ZPLD1: variants seen among roughly 807,000 people sequenced by gnomAD.
The protein encoded by ZPLD1 is zona pellucida like domain containing 1, also known as zona pellucida-like domain-containing protein 1.
In ZPLD1, 34 loss-of-function variants were observed where a neutral mutation model predicts 47.2. That is an observed-to-expected ratio of 0.72 (90% confidence interval 0.55 to 0.96). The LOEUF (loss-of-function observed/expected upper bound fraction) is 0.96, where lower values mean the gene tolerates loss of function less well. Among genes scored for constraint, ZPLD1 ranks in the 40% least tolerant of loss-of-function variants. The probability of loss-of-function intolerance (pLI) is 0.00; values close to 1 mark genes in which losing one functional copy is unlikely to be tolerated. For missense variants in ZPLD1, 512 were observed against 505.8 expected (o/e 1.01, Z -0.12); for synonymous variants, 176 against 186.2 (o/e 0.95, Z 0.45).
rs1319642755 is a variant in ZPLD1 at position 102,436,891 on chromosome 3, G to C, written c.-91G>C. The C allele has an allele frequency of 3.0e-6, 3 of 985,242 alleles. No individual in the cohort carries two copies. The African/African-American group carries it at 5.2e-5, about 17-fold the overall frequency. 61.0% of individuals were successfully genotyped at this position (985,242 alleles called of 1,614,324 possible). On this transcript the variant is annotated 5_prime_UTR_variant, in exon 2 of 12. Transcript: ENST00000466937. Reference sequence around the variant, plus strand: ...CCTCTGTGTTGGGGACAACAGTGTGGGTCTAGAGTTTCCAATGTCTTCCAG... The same window carrying C: ...CCTCTGTGTTGGGGACAACAGTGTGCGTCTAGAGTTTCCAATGTCTTCCAG...
intron 10 of ZPLD1, among the ~76,000 whole-genome samples, chr3:102,472,270 G>A (rs375707699): frequency 1.2e-4 from 19 of 152,254 alleles, no homozygotes; most frequent in African/African-American, 3.8e-4. Context: ...GGTGGCTCAC[G>A]CCTGTAATCC....
chr3:102,397,814 T>C (rs538031018), intron 7 of ZPLD1, among the ~76,000 whole-genome samples: 1 of 152,310 alleles, frequency 6.6e-6, no homozygotes, highest in South Asian at 2.1e-4. Flanking sequence ...TACGTGACTT[T>C]GTGCTTTGTT....
chr3:102,442,552 T>C (rs1707197025), intron 3 of ZPLD1, among the ~76,000 whole-genome samples: 1 of 152,108 alleles, frequency 6.6e-6, no homozygotes, highest in African/African-American at 2.4e-5. Context: ...GCCTAAAGAT[T>C]AATTGCTTAC....
At chr3:102,421,424 T>C (rs1031909123) in intron 8 of ZPLD1, among the ~76,000 whole-genome samples, 72 of 151,882 alleles carry the variant, frequency 4.7e-4, no homozygotes, top group African/African-American at 1.7e-3. Context: ...TTTTAAAAAC[T>C]ACTCATCTTT....
intron 3 of ZPLD1, among the ~76,000 whole-genome samples, chr3:102,444,312 G>C (rs963654257): frequency 6.6e-6 from 1 of 152,162 alleles, no homozygotes; most frequent in Non-Finnish European, 1.5e-5. Flanking sequence ...TTGCTAACGA[G>C]AAACAGATGT....
chr3:102,398,678 C>T (rs1391394971), intron 7 of ZPLD1, among the ~76,000 whole-genome samples: 1 of 152,094 alleles, frequency 6.6e-6, no homozygotes, highest in East Asian at 1.9e-4. Context: ...GTGGCCTGTG[C>T]TGTGCATTTT....
rs757646303 is a variant in ZPLD1 at position 102,479,295 on chromosome 3, A to G, written c.*1677A>G. On this transcript the variant is annotated 3_prime_UTR_variant, in exon 12 of 12. Transcript: ENST00000466937. The stretch of plus-strand genomic sequence containing the variant: ...AGCTTTATCTGTGTTAACATGATTA[A>G]CTGACCATACTACTAATGTGACCCT... 2 of 152,184 alleles carry G rather than the reference A, an allele frequency of 1.3e-5. No individual in the cohort carries two copies. The highest frequency in any genetic ancestry group is 2.9e-5 in the Non-Finnish European group (2 of 68,006). 9.4% of individuals were successfully genotyped at this position (152,184 alleles called of 1,614,324 possible).
intron 10 of ZPLD1, among the ~76,000 whole-genome samples, chr3:102,471,325 C>G (rs1022899850): frequency 1.3e-5 from 2 of 152,154 alleles, no homozygotes; most frequent in African/African-American, 4.8e-5. Flanking sequence ...TCCCTTAACT[C>G]TACTCTCTCT....
At chr3:102,439,470 GT>G (rs1414596611) in intron 3 of ZPLD1, among the ~76,000 whole-genome samples, 4 of 152,126 alleles carry the variant, frequency 2.6e-5, no homozygotes, top group Non-Finnish European at 4.4e-5. Flanking sequence ...TGCTTGGTTT[GT>G]TAGTAAAATA....
chr3:102,451,582 C>T (rs889342569), intron 3 of ZPLD1, among the ~76,000 whole-genome samples: 1 of 152,144 alleles, frequency 6.6e-6, no homozygotes, highest in Non-Finnish European at 1.5e-5. Context: ...AAACTTGTGT[C>T]CTGGGGTGAT....
intron 8 of ZPLD1, among the ~76,000 whole-genome samples, chr3:102,465,623 T>C (rs565283287): frequency 1.1e-4 from 16 of 152,180 alleles, no homozygotes; most frequent in Non-Finnish European, 2.2e-4. Context: ...TCCTCATATA[T>C]TGATAATCTG....
At position 102,397,807 on chromosome 3, in the gene ZPLD1, G is replaced by T. The variant is rs537989754; in HGVS notation, c.-157+5582G>T. Among the ~76,000 whole-genome samples the T allele has an allele frequency of 4.6e-5, 7 of 152,148 alleles. 1 individual carries two copies. The Middle Eastern group carries it at 0.017, about 370-fold the overall frequency. Reference sequence around the variant, plus strand: ...GTTTATTACTAATGAAGGATCTTACGTGACTTTGTGCTTTGTTCTCATAGT... The same window carrying T: ...GTTTATTACTAATGAAGGATCTTACTTGACTTTGTGCTTTGTTCTCATAGT... On this transcript the variant is annotated intron_variant, in intron 7 of 17. Coordinates refer to the ZPLD1 transcript ENST00000491959.
intron 6 of ZPLD1, among the ~76,000 whole-genome samples, chr3:102,389,718 A>T (rs1406041199): frequency 6.6e-6 from 1 of 152,182 alleles, no homozygotes; most frequent in Non-Finnish European, 1.5e-5. Flanking sequence ...GTATAGCTTT[A>T]TCCAAAGATA....
intron 7 of ZPLD1, among the ~76,000 whole-genome samples, chr3:102,405,456 T>C (rs545824747): frequency 1.3e-5 from 2 of 152,104 alleles, no homozygotes; most frequent in Middle Eastern, 3.4e-3. Flanking sequence ...TGACTATCAA[T>C]AGCAGAAAGG....
rs562764896 is a variant in ZPLD1, at chr3:102,419,438, A to G, written c.-9+1231A>G. Among the ~76,000 whole-genome samples the G allele has an allele frequency of 2.0e-5, 3 of 152,092 alleles. No individual in the cohort carries two copies. In the South Asian group the frequency reaches 6.2e-4, roughly 31 times the overall value. On this transcript the variant is annotated intron_variant, in intron 8 of 17. Transcript: ENST00000491959. The stretch of plus-strand genomic sequence containing the variant: ...AGAAACATCCTCAAAAAAAGTTATC[A>G]TTATTGTTAATAGCCTCATAACATA...
chr3:102,461,407 T>C, intron 6 of ZPLD1, among the ~76,000 whole-genome samples: 1 of 152,010 alleles, frequency 6.6e-6, no homozygotes, highest in East Asian at 1.9e-4. Flanking sequence ...TCCGATGCTT[T>C]AATCTACTGT....
intron 1 of ZPLD1, among the ~76,000 whole-genome samples, chr3:102,436,606 T>C (rs561063892): frequency 7.9e-5 from 12 of 152,338 alleles, no homozygotes; most frequent in African/African-American, 2.9e-4. Context: ...CCACTTCATT[T>C]TCACGTCATT....
At chr3:102,415,270 C>T (rs960663728) in intron 7 of ZPLD1, among the ~76,000 whole-genome samples, 1 of 151,778 alleles carries the variant, frequency 6.6e-6, no homozygotes, top group South Asian at 2.1e-4. Context: ...AAAGCCATTA[C>T]ACTGTGTCTA....
At chr3:102,399,391 G>A (rs945325673) in intron 7 of ZPLD1, among the ~76,000 whole-genome samples, 6 of 151,994 alleles carry the variant, frequency 3.9e-5, no homozygotes, top group Non-Finnish European at 7.4e-5. Flanking sequence ...AGTCATGGGT[G>A]GCCTTCATTA....
Sources: gnomAD v4.1 joint callset for allele counts (sites outside exome capture counted in the v4.1 genomes callset) on GRCh38, gnomAD v4.1.1 for gene constraint, MANE v1.5 for transcripts, NCBI Gene and HGNC (gene_info 2026-07-23, HGNC 2026-07-21) for gene names.